The following DNAH11 variants were observed in gnomAD, a reference collection of about 807,000 sequenced individuals.
DNAH11 encodes the protein dynein axonemal heavy chain 11.
A neutral mutation model predicts 526.0 loss-of-function variants in DNAH11; 442 were observed. The ratio of observed to expected loss-of-function variants is 0.84; its 90% CI spans 0.78 to 0.91. The LOEUF is 0.91. Among genes scored for constraint, DNAH11 ranks in the 40% least tolerant of loss-of-function variants. The pLI, the probability that DNAH11 is intolerant of heterozygous loss-of-function variation, is 0.00. For missense variants in DNAH11, 6,989 were observed against 5,448.7 expected, an observed-to-expected ratio of 1.28 and a Z score of -8.90; for synonymous variants, 2,461 against 1,935.9, an observed-to-expected ratio of 1.27 and a Z score of -7.12.
At chr7:21,712,090 A>T (rs530935835) in intron 42 of DNAH11, among the ~76,000 whole-genome samples, 54 of 152,242 alleles carry the variant, frequency 3.5e-4, no homozygotes, top group African/African-American at 1.2e-3. Flanking sequence ...TATCTCTATG[A>T]ATTAGACTAC....
intron 66 of DNAH11, among the ~76,000 whole-genome samples, chr7:21,849,370 A>G (rs1202678508): frequency 1.3e-5 from 2 of 152,184 alleles, no homozygotes; most frequent in Non-Finnish European, 2.9e-5. Flanking sequence ...CAATTAATAA[A>G]CTAACATATT....
chr7:21,794,537 G>C (rs1302097518), intron 61 of DNAH11, among the ~76,000 whole-genome samples: 1 of 152,126 alleles, frequency 6.6e-6, no homozygotes, highest in African/African-American at 2.4e-5. Flanking sequence ...CCTGAATTGA[G>C]GGTAAGGGGC....
At position 21,861,975 on chromosome 7, in the gene DNAH11, G is replaced by T. The variant is rs12666072; in HGVS notation, c.11325G>T (p.Ala3775=). 1 of 1,613,440 alleles carries T rather than the reference G, an allele frequency of 6.2e-7. No homozygotes were observed. The change falls in exon 69 of 82, where the codon GCG becomes GCT. Residue 3775 remains alanine (A), a synonymous_variant. Transcript: ENST00000409508. ...THAVFLYTSQ[A]LFEKDKLTFL... is the part of the protein sequence containing the mutation. ...CTGTCTTCCTCTACACCAGCCAGGC[G>T]CTGTTTGAGAAGGACAAGCTCACCT...
At chr7:21,627,494 A>G (rs1254336921) in intron 25 of DNAH11, among the ~76,000 whole-genome samples, 1 of 152,156 alleles carries the variant, frequency 6.6e-6, no homozygotes, top group Non-Finnish European at 1.5e-5. Context: ...TCTTCTGCAT[A>G]TGGTTATCCA....
chr7:21,899,217 C>G (rs1424716191), intron 79 of DNAH11, 119 bp from the exon 80 acceptor site: 5 of 760,586 alleles, frequency 6.6e-6, no homozygotes, highest in Non-Finnish European at 9.4e-6. Context: ...ATTTTACCAG[C>G]TAGCAGTGGT....
Position 21,861,999 on chromosome 7 carries a change from C to G in DNAH11, c.11349C>G (p.Thr3783=), listed in dbSNP as rs545944911. The G allele has an allele frequency of 6.2e-7, 1 of 1,612,976 alleles. No homozygotes were observed. The highest frequency in any genetic ancestry group is 1.1e-5 in the South Asian group (1 of 90,800). ...SQALFEKDKL[T]FLSQMAFQIL... The stretch of plus-strand genomic sequence containing the variant: ...CGCTGTTTGAGAAGGACAAGCTCAC[C>G]TTCCTGTCCCAGATGGCTTTTCAGG... The change falls in exon 69 of 82, where the codon ACC becomes ACG. Residue 3783 remains threonine, a synonymous_variant. Transcript: ENST00000409508.
intron 57 of DNAH11, among the ~76,000 whole-genome samples, chr7:21,782,786 T>G (rs543966155): frequency 6.6e-6 from 1 of 152,032 alleles, no homozygotes; most frequent in South Asian, 2.1e-4. Flanking sequence ...GGTGCGTGCC[T>G]GTAATCCCAG....
intron 68 of DNAH11, among the ~76,000 whole-genome samples, chr7:21,855,748 C>T (rs536085628): frequency 5.3e-4 from 81 of 152,240 alleles, no homozygotes; most frequent in African/African-American, 1.6e-3. Flanking sequence ...TGATCAATCA[C>T]GTCAGATGCT....
At chr7:21,654,183 C>A (rs6461592) in intron 28 of DNAH11, among the ~76,000 whole-genome samples, 102,104 of 151,894 alleles carry the variant, frequency 0.67, 34,378 homozygotes, top group Admixed American at 0.75. Flanking sequence ...TAATTCCAAA[C>A]CATTTTCATC....
intron 14 of DNAH11, among the ~76,000 whole-genome samples, chr7:21,596,987 G>C (rs1279550712): frequency 1.3e-5 from 2 of 152,186 alleles, no homozygotes; most frequent in Non-Finnish European, 1.5e-5. Context: ...ACATGGTTTG[G>C]GGAAAAGCTG....
At chr7:21,751,560 A>C (rs1562525978) in intron 54 of DNAH11, among the ~76,000 whole-genome samples, 2 of 152,130 alleles carry the variant, frequency 1.3e-5, no homozygotes, top group African/African-American at 4.8e-5. Flanking sequence ...GAAAGCTGCT[A>C]CTTTACTGTT....
intron 37 of DNAH11, 110 bp from the exon 38 acceptor site, chr7:21,704,324 C>G: frequency 9.2e-7 from 1 of 1,083,898 alleles, no homozygotes; most frequent in South Asian, 1.6e-5. Context: ...GAGAACAGTA[C>G]CAATATCTCA....
At chr7:21,679,754 G>A (rs929445073) in intron 30 of DNAH11, among the ~76,000 whole-genome samples, 8 of 152,166 alleles carry the variant, frequency 5.3e-5, no homozygotes, top group Non-Finnish European at 1.2e-4. Context: ...TGAATCTGAA[G>A]TCAGACTGTT....
chr7:21,709,986 T>C (rs1409729487), intron 40 of DNAH11, among the ~76,000 whole-genome samples: 1 of 152,194 alleles, frequency 6.6e-6, no homozygotes, highest in African/African-American at 2.4e-5. Flanking sequence ...TGCTTAGATA[T>C]GTAGTAATGG....
chr7:21,630,051 A>C (rs1445101767), intron 25 of DNAH11, among the ~76,000 whole-genome samples: 2 of 151,780 alleles, frequency 1.3e-5, no homozygotes, highest in Non-Finnish European at 2.9e-5. Flanking sequence ...GTTTTAATTC[A>C]ATGCTTTTTA....
chr7:21,710,304 G>T (rs1272593852), intron 40 of DNAH11, among the ~76,000 whole-genome samples: 1 of 152,108 alleles, frequency 6.6e-6, no homozygotes, highest in African/African-American at 2.4e-5. Flanking sequence ...GAAGGTTTTT[G>T]TTATCTCTGT....
At chr7:21,658,684 TA>T in intron 29 of DNAH11, 113 bp from the exon 30 acceptor site, 1 of 785,006 alleles carries the variant, frequency 1.3e-6, no homozygotes, top group Non-Finnish European at 1.9e-6. Context: ...TACCTGGGTT[TA>T]AAATGAATCC....
At chr7:21,698,416 C>G (rs150048844) in intron 36 of DNAH11, among the ~76,000 whole-genome samples, 1 of 152,096 alleles carries the variant, frequency 6.6e-6, no homozygotes, top group Non-Finnish European at 1.5e-5. Flanking sequence ...GATCTTGGTG[C>G]ACCTGAGGAG....
chr7:21,657,553 C>A (rs537083650), intron 29 of DNAH11, among the ~76,000 whole-genome samples: 1 of 152,124 alleles, frequency 6.6e-6, no homozygotes, highest in African/African-American at 2.4e-5. Flanking sequence ...CTGCAAAGTT[C>A]TTGAGAACAG....
Sources: allele counts gnomAD v4.1 joint callset (sites outside exome capture counted in the v4.1 genomes callset), GRCh38; gene constraint gnomAD v4.1.1; transcripts MANE v1.5; gene names NCBI Gene and HGNC (gene_info 2026-07-23, HGNC 2026-07-21).